DOCK3: variants seen among roughly 807,000 people sequenced by gnomAD.
The protein encoded by DOCK3 is dedicator of cytokinesis protein 3.
A neutral mutation model predicts 265.6 loss-of-function variants in DOCK3; 60 were observed. The ratio of observed to expected loss-of-function variants is 0.23; its 90% CI spans 0.18 to 0.28. The LOEUF (loss-of-function observed/expected upper bound fraction) is 0.28, where lower values mean the gene tolerates loss of function less well. Among genes scored for constraint, DOCK3 ranks in the 10% least tolerant of loss-of-function variants. DOCK3 has a pLI of 1.00. For synonymous variants in DOCK3, 881 were observed against 938.0 expected, an observed-to-expected ratio of 0.94 and a Z score of 1.11; for missense variants, 1,981 against 2,594.3, an observed-to-expected ratio of 0.76 and a Z score of 5.14.
intron 4 of DOCK3, among the ~76,000 whole-genome samples, chr3:50,911,868 C>T (rs1486656599): frequency 2.0e-5 from 3 of 151,990 alleles, no homozygotes; most frequent in Admixed American, 2.0e-4. Flanking sequence ...TAATAGTTTT[C>T]CTTGTAGAGA....
intron 15 of DOCK3, among the ~76,000 whole-genome samples, chr3:51,227,006 G>T (rs2090356597): frequency 6.6e-6 from 1 of 152,124 alleles, no homozygotes; most frequent in African/African-American, 2.4e-5. Flanking sequence ...TGGTGATTTA[G>T]ATGCACCACC....
intron 37 of DOCK3, 143 bp from the exon 38 acceptor site, chr3:51,341,094 C>A (rs923618173): frequency 9.9e-7 from 1 of 1,014,510 alleles, no homozygotes; most frequent in African/African-American, 1.6e-5. Flanking sequence ...CCTACTGTTT[C>A]ATCTTTAGTA....
chr3:50,842,027 G>C (rs1245540121), intron 3 of DOCK3, among the ~76,000 whole-genome samples: 2 of 151,928 alleles, frequency 1.3e-5, no homozygotes, highest in Admixed American at 6.6e-5. Flanking sequence ...TAGTCCTGTG[G>C]AACCATATAA....
intron 5 of DOCK3, among the ~76,000 whole-genome samples, chr3:51,012,662 A>G (rs1170158271): frequency 6.6e-6 from 1 of 151,826 alleles, no homozygotes; most frequent in Non-Finnish European, 1.5e-5. Flanking sequence ...TCCTGCACCC[A>G]CTGTCCGATA....
intron 2 of DOCK3, chr3:50,787,089 T>G: frequency 1.4e-6 from 1 of 726,324 alleles, no homozygotes; most frequent in Non-Finnish European, 2.6e-6. Context: ...AGGATCCAGT[T>G]TCTTGAACGA....
At chr3:51,061,949 A>G (rs1251357396) in intron 5 of DOCK3, among the ~76,000 whole-genome samples, 1 of 151,734 alleles carries the variant, frequency 6.6e-6, no homozygotes, top group Non-Finnish European at 1.5e-5. Flanking sequence ...GTGATACTTT[A>G]CTCTGTTCAT....
chr3:51,098,197 C>T (rs1287031869), intron 9 of DOCK3, among the ~76,000 whole-genome samples: 1 of 152,206 alleles, frequency 6.6e-6, no homozygotes, highest in African/African-American at 2.4e-5. Context: ...GCTGGGATTA[C>T]AGGTGCCCAC....
intron 9 of DOCK3, among the ~76,000 whole-genome samples, chr3:51,113,356 C>G (rs1271137918): frequency 1.3e-5 from 2 of 152,146 alleles, no homozygotes; most frequent in Non-Finnish European, 2.9e-5. Flanking sequence ...ACCCCAGTGA[C>G]TGACCCCACA....
At chr3:50,826,024 G>A (rs2044737690) in intron 2 of DOCK3, among the ~76,000 whole-genome samples, 1 of 151,912 alleles carries the variant, frequency 6.6e-6, no homozygotes, top group Admixed American at 6.6e-5. Flanking sequence ...ATTTCCCATG[G>A]CAAGCAGTGG....
At chr3:50,946,369 G>C (rs955159597) in intron 5 of DOCK3, among the ~76,000 whole-genome samples, 1 of 152,116 alleles carries the variant, frequency 6.6e-6, no homozygotes, top group African/African-American at 2.4e-5. Flanking sequence ...TACATAACAA[G>C]ATATGATAGT....
intron 2 of DOCK3, among the ~76,000 whole-genome samples, chr3:50,799,496 A>AT (rs1448535618): frequency 2.0e-5 from 3 of 151,712 alleles, no homozygotes. Flanking sequence ...TGCCTTCTTC[A>AT]TTTTTTTGGC....
At chr3:51,091,632 G>A (rs1455826728) in intron 9 of DOCK3, among the ~76,000 whole-genome samples, 2 of 151,146 alleles carry the variant, frequency 1.3e-5, no homozygotes, top group East Asian at 3.9e-4. Context: ...GCACTGAGCC[G>A]GGATGGTGCC....
intron 32 of DOCK3, among the ~76,000 whole-genome samples, chr3:51,321,659 G>A (rs1447801206): frequency 6.6e-6 from 1 of 151,972 alleles, no homozygotes; most frequent in African/African-American, 2.4e-5. Context: ...TGAAAAACAC[G>A]GCACGAGAAC....
At chr3:50,908,963 T>TA (rs60856567) in intron 4 of DOCK3, among the ~76,000 whole-genome samples, 13,507 of 152,100 alleles carry the variant, frequency 0.089, 1,257 homozygotes, top group East Asian at 0.33. Context: ...TTTATCATTA[T>TA]GTAATGCCCT....
intron 2 of DOCK3, among the ~76,000 whole-genome samples, chr3:50,796,352 T>G (rs750229945): frequency 2.7e-5 from 4 of 148,504 alleles, no homozygotes; most frequent in Non-Finnish European, 3.0e-5. Context: ...GTTTTGTTTT[T>G]TTTGAGATGG....
intron 1 of DOCK3, among the ~76,000 whole-genome samples, chr3:50,744,024 A>T (rs913262327): frequency 6.6e-6 from 1 of 152,102 alleles, no homozygotes; most frequent in African/African-American, 2.4e-5. Flanking sequence ...TTAGATTTGC[A>T]TTTTCCTAAT....
At chr3:51,002,070 TG>T (rs2078502064) in intron 5 of DOCK3, among the ~76,000 whole-genome samples, 1 of 152,128 alleles carries the variant, frequency 6.6e-6, no homozygotes, top group Admixed American at 6.6e-5. Flanking sequence ...CTCAGCCCCC[TG>T]AGCAGCTAGG....
chr3:50,930,697 A>T (rs963449306), intron 4 of DOCK3, among the ~76,000 whole-genome samples: 3 of 152,290 alleles, frequency 2.0e-5, no homozygotes, highest in African/African-American at 7.2e-5. Flanking sequence ...GGAGTGGATC[A>T]CAGGCCTCGG....
chr3:51,059,190 C>T (rs528646883), intron 5 of DOCK3, among the ~76,000 whole-genome samples: 1 of 152,180 alleles, frequency 6.6e-6, no homozygotes, highest in South Asian at 2.1e-4. Context: ...GTTTGTTTTT[C>T]TGTTTCTGCA....
Sources: allele counts gnomAD v4.1 joint callset (sites outside exome capture counted in the v4.1 genomes callset), GRCh38; gene constraint gnomAD v4.1.1; transcripts MANE v1.5; gene names NCBI Gene and HGNC (gene_info 2026-07-23, HGNC 2026-07-21).